Variants in HIPK1 observed in about 807,000 individuals in gnomAD.
The protein encoded by HIPK1 is homeodomain-interacting protein kinase 1.
HIPK1 carries 28 observed loss-of-function variants against 117.1 expected under a neutral mutation model. That is an observed-to-expected ratio of 0.24 (90% confidence interval 0.18 to 0.33). HIPK1 has a LOEUF of 0.33. Among genes scored for constraint, HIPK1 ranks in the 10% least tolerant of loss-of-function variants. HIPK1 has a pLI of 1.00. For synonymous variants in HIPK1, 605 were observed against 562.5 expected (o/e 1.08, Z -1.07); for missense variants, 1,122 against 1,475.1 (o/e 0.76, Z 3.92).
At position 113,975,648 on chromosome 1, in the gene HIPK1, T is replaced by C. The variant is rs1327162043; in HGVS notation, c.*2136T>C. 1 of 152,760 alleles carries C rather than the reference T, an allele frequency of 6.5e-6. No homozygotes were observed. The highest frequency in any genetic ancestry group is 2.4e-5 in the African/African-American group (1 of 41,446). 9.5% of individuals were successfully genotyped at this position (152,760 alleles called of 1,614,324 possible). ...AAAGAGCCTGTTGTATTGCTTACCA[T>C]GTCCCCATACTATGAGGAGAAGTTT... On this transcript the variant is annotated 3_prime_UTR_variant, in exon 16 of 16. Transcript: ENST00000426820.
Position 113,941,542 on chromosome 1 carries a change from C to T in HIPK1, c.1076+83C>T, listed in dbSNP as rs1670637819. ...CATATACCCCGTAGGCTACATATAG[C>T]AATGAATTTGTTTATAGATTCTGAG... is the stretch of plus-strand genomic sequence containing the variant. On this transcript the variant is annotated intron_variant, in intron 2 of 15. Transcript: ENST00000426820. The surrounding 1 kb of genome is among the most constrained non-coding windows in gnomAD (Gnocchi z 4.9). 2 of 1,036,092 alleles carry T rather than the reference C, an allele frequency of 1.9e-6. No individual in the cohort carries two copies. Among genetic ancestry groups the T allele is most frequent in the Non-Finnish European group, 2.8e-6 (2 of 703,108 alleles). The allele number at this position is 1,036,092 out of a possible 1,614,324, so 64.2% of individuals were successfully genotyped here.
Position 113,954,777 on chromosome 1 carries a change from C to G in HIPK1, c.1320+7C>G. 2 of 1,612,654 alleles carry G rather than the reference C, an allele frequency of 1.2e-6. No homozygotes were observed. The highest frequency in any genetic ancestry group is 1.7e-6 in the Non-Finnish European group (2 of 1,178,850). On this transcript the variant is annotated splice_region_variant and intron_variant, in intron 4 of 15. Coordinates refer to ENST00000426820, the MANE Select transcript of HIPK1 (RefSeq NM_198268.3). ...CCCACTGTGGAGGCTTAAGGTCTGT[C>G]TTCCCTACTATGCTTCCGACTCCTG...
At position 113,954,789 on chromosome 1, in the gene HIPK1, G is replaced by T. The variant is rs970497443; in HGVS notation, c.1320+19G>T. The T allele has an allele frequency of 6.2e-7, 1 of 1,608,026 alleles. No individual in the cohort carries two copies. Among genetic ancestry groups the T allele is most frequent in the Non-Finnish European group, 8.5e-7 (1 of 1,175,266 alleles). ...GCTTAAGGTCTGTCTTCCCTACTAT[G>T]CTTCCGACTCCTGTACTCCACCCCT... On this transcript the variant is annotated intron_variant, in intron 4 of 15. Coordinates refer to ENST00000426820, the MANE Select transcript of HIPK1 (RefSeq NM_198268.3).
intron 3 of HIPK1, among the ~76,000 whole-genome samples, chr1:113,953,136 A>G (rs1671476888): frequency 6.6e-6 from 1 of 152,222 alleles, no homozygotes. Flanking sequence ...ACTTTGCTAG[A>G]TCTGTAATGA....
chr1:113,961,812 C>T (rs537912631), intron 8 of HIPK1, among the ~76,000 whole-genome samples: 18 of 151,816 alleles, frequency 1.2e-4, no homozygotes, highest in South Asian at 8.3e-4. Flanking sequence ...GGCGTGGTGG[C>T]GCACTCCTGT....
In HIPK1 at chr1:113,973,617, G is replaced by T. The variant is rs1412804902; in HGVS notation, c.*105G>T. 1.5e-6 allele frequency: 2 copies of T among 1,366,214 alleles called. No individual in the cohort carries two copies. Among genetic ancestry groups the T allele is most frequent in the African/African-American group, 2.9e-5 (2 of 68,290 alleles). 84.6% of individuals were successfully genotyped at this position (1,366,214 alleles called of 1,614,324 possible). On this transcript the variant is annotated 3_prime_UTR_variant, in exon 16 of 16. Coordinates refer to ENST00000426820, the MANE Select transcript of HIPK1 (RefSeq NM_198268.3). ...TCCTTTACCCTCTTGAAATTTCTTA[G>T]CCAGCAACTTGTTCTGCAGGGGCCC...
intron 15 of HIPK1, chr1:113,972,211 G>A (rs561428995): frequency 2.1e-6 from 2 of 962,150 alleles, no homozygotes; most frequent in South Asian, 1.8e-5. Flanking sequence ...AAACGTCTGG[G>A]ATTTAGAAAG....
At chr1:113,956,016 A>G (rs577477062) in intron 5 of HIPK1, among the ~76,000 whole-genome samples, 1 of 151,368 alleles carries the variant, frequency 6.6e-6, no homozygotes, top group Non-Finnish European at 1.5e-5. Context: ...TCAACAGTAG[A>G]AGCTTTTATA....
rs1386256412 is a variant in HIPK1, at chr1:113,929,897, C to A, written c.-3+365C>A. On this transcript the variant is annotated intron_variant, in intron 1 of 15. Transcript: ENST00000426820. ...GATCTCGTCTCCTCCGCCGCCTCCT[C>A]ACGGCAGCCCCAGCTCGCGGCTGAG... 3 of 986,412 alleles carry A rather than the reference C, an allele frequency of 3.0e-6. No individual in the cohort carries two copies. The African/African-American group carries it at 5.2e-5, about 17-fold the overall frequency. 61.1% of individuals were successfully genotyped at this position (986,412 alleles called of 1,614,324 possible). A position where few individuals can be genotyped will look rare whatever the true frequency, so the allele number is the denominator to read the frequency against.
chr1:113,972,505 G>A (rs1672905438), intron 15 of HIPK1, among the ~76,000 whole-genome samples: 1 of 152,092 alleles, frequency 6.6e-6, no homozygotes, highest in African/African-American at 2.4e-5. Flanking sequence ...GCTAAAATTC[G>A]AGTGCTTGTA....
At chr1:113,965,687 G>A (rs985458474) in intron 10 of HIPK1, among the ~76,000 whole-genome samples, 1 of 152,050 alleles carries the variant, frequency 6.6e-6, no homozygotes, top group Admixed American at 6.5e-5. Flanking sequence ...TTGTTTTATG[G>A]GTTGAATTGA....
chr1:113,966,192 G>A lies in HIPK1; in HGVS notation c.2301G>A (p.Gly767=), dbSNP rs116156024. 718 of 1,613,662 alleles carry A rather than the reference G, an allele frequency of 4.4e-4. 2 individuals carry two copies. The African/African-American group carries it at 8.4e-3, about 19-fold the overall frequency. ...LLPSTWQQLP[G]VALHNSVQPT... ...CTTCAACTTGGCAACAGTTGCCTGGGGTAGCTCTACACAACTCTGTCCAGC... is the reference window on the plus strand; with the variant it reads ...CTTCAACTTGGCAACAGTTGCCTGGAGTAGCTCTACACAACTCTGTCCAGC... Residue 767 remains glycine, a synonymous_variant, in exon 11 of 16, where the codon GGG becomes GGA. Transcript: ENST00000426820.
In HIPK1 at chr1:113,976,721, A is replaced by G. The variant is rs1246065516; in HGVS notation, c.*3209A>G. On this transcript the variant is annotated 3_prime_UTR_variant, in exon 16 of 16. Coordinates refer to ENST00000426820, the MANE Select transcript of HIPK1 (RefSeq NM_198268.3). ...GGCTTTAGATTCTGTCCCTGGGGTTAGCCCTGTTGGCCCTGACAGGAAGGG... is the reference window on the plus strand; with the variant it reads ...GGCTTTAGATTCTGTCCCTGGGGTTGGCCCTGTTGGCCCTGACAGGAAGGG... The G allele has an allele frequency of 6.5e-6, 1 of 152,844 alleles. No individual in the cohort carries two copies. The highest frequency in any genetic ancestry group is 1.5e-5 in the Non-Finnish European group (1 of 68,082). The allele number at this position is 152,844 out of a possible 1,614,324, so 9.5% of individuals were successfully genotyped here.
At chr1:113,972,961 G>A in intron 15 of HIPK1, 63 bp from the exon 16 acceptor site, 2 of 1,491,344 alleles carry the variant, frequency 1.3e-6, no homozygotes, top group South Asian at 2.8e-5. Flanking sequence ...CTCTTAACTT[G>A]GCCTTTGGTG....
At chr1:113,929,873 ATCTCGTCTCC>A in intron 1 of HIPK1, 1 of 987,288 alleles carries the variant, frequency 1.0e-6, no homozygotes, top group Non-Finnish European at 1.2e-6. Context: ...GGGGCCCCAG[ATCTCGTCTCC>A]TCCGCCGCCT....
rs1670589192 is a variant in HIPK1 at position 113,940,663 on chromosome 1, A to G, written c.280A>G (p.Ser94Gly). 6.2e-7 allele frequency: 1 copy of G among 1,614,242 alleles called. No homozygotes were observed. Among genetic ancestry groups the G allele is most frequent in the Non-Finnish European group, 8.5e-7 (1 of 1,180,054 alleles). Residue 94 changes from serine to glycine, a missense_variant, in exon 2 of 16, where the codon AGT becomes GGT. This residue lies in a region of HIPK1 where 192 missense variants were observed against 234.0 expected (regional missense o/e 0.82). Transcript: ENST00000426820. ...IVVTAADSSG[S>G]AATSTFQSSQ... ...TGTAACAGCCGCTGATAGCTCGGGC[A>G]GTGCTGCTACATCAACCTTCCAAAG... is the stretch of plus-strand genomic sequence containing the variant.
intron 1 of HIPK1, among the ~76,000 whole-genome samples, chr1:113,939,583 G>A (rs960363901): frequency 6.6e-6 from 1 of 152,064 alleles, no homozygotes; most frequent in Non-Finnish European, 1.5e-5. Context: ...AGTTCAAAGC[G>A]AGAGAATCCT....
At chr1:113,961,350 T>C (rs1672089301) in intron 8 of HIPK1, among the ~76,000 whole-genome samples, 1 of 152,200 alleles carries the variant, frequency 6.6e-6, no homozygotes, top group South Asian at 2.1e-4. Flanking sequence ...AAGAGTAGAT[T>C]TCTAAAATAA....
rs1670126476 is a variant in HIPK1 at position 113,934,571 on chromosome 1, G to A, written c.-3+5039G>A. ...TTTGTCATTATATTGAGATGGTTAAGTCCTTGGAAAGTCAGATTTGAAATG... is the reference window on the plus strand; with the variant it reads ...TTTGTCATTATATTGAGATGGTTAAATCCTTGGAAAGTCAGATTTGAAATG... On this transcript the variant is annotated intron_variant, in intron 1 of 15. Transcript: ENST00000426820. Among the ~76,000 whole-genome samples, 4 of 152,220 alleles carry A rather than the reference G, an allele frequency of 2.6e-5. No homozygotes were observed. The South Asian group carries it at 8.3e-4, about 32-fold the overall frequency.
Sources: allele counts gnomAD v4.1 joint callset (sites outside exome capture counted in the v4.1 genomes callset), GRCh38; gene constraint gnomAD v4.1.1; regional missense constraint gnomAD v4.1.1; non-coding constraint Gnocchi (gnomAD v3.1); transcripts MANE v1.5; gene names NCBI Gene and HGNC (gene_info 2026-07-23, HGNC 2026-07-21).